LONRF3: variants seen among roughly 807,000 people sequenced by gnomAD.
LONRF3 encodes LON peptidase N-terminal domain and RING finger protein 3.
A neutral mutation model predicts 51.7 loss-of-function variants in LONRF3; 19 were observed. The ratio of observed to expected loss-of-function variants is 0.37; its 90% CI spans 0.26 to 0.54. The LOEUF (loss-of-function observed/expected upper bound fraction) is 0.54. Among genes scored for constraint, LONRF3 ranks in the 20% least tolerant of loss-of-function variants. The pLI is 0.86. For missense variants in LONRF3, 521 were observed against 623.9 expected, an observed-to-expected ratio of 0.84 and a Z score of 1.76; for synonymous variants, 265 against 257.8, an observed-to-expected ratio of 1.03 and a Z score of -0.27.
At chrX:118,981,980 T>C (rs1269561335) in intron 2 of LONRF3, among the ~76,000 whole-genome samples, 1 of 111,719 alleles carries the variant, frequency 9.0e-6, no homozygotes, top group African/African-American at 3.2e-5. Flanking sequence ...TCAAGCCAAG[T>C]TGCTAGTGTC....
intron 5 of LONRF3, among the ~76,000 whole-genome samples, chrX:118,997,968 A>G (rs181798570): frequency 1.8e-5 from 2 of 112,408 alleles, no homozygotes; most frequent in African/African-American, 6.5e-5. Context: ...AAACTCAAAA[A>G]ACAGTAGATG....
intron 5 of LONRF3, among the ~76,000 whole-genome samples, chrX:119,005,158 A>G (rs1182409866): frequency 1.8e-5 from 2 of 110,612 alleles, no homozygotes; most frequent in Non-Finnish European, 3.8e-5. Context: ...TCCACTGAAC[A>G]CTCTTGTGAG....
chrX:118,986,922 C>T (rs1422908068), intron 3 of LONRF3: 4 of 1,151,046 alleles, frequency 3.5e-6, no homozygotes, highest in Non-Finnish European at 4.6e-6. Context: ...TTTTATGTCA[C>T]AGCTTCTCCT....
intron 9 of LONRF3, 32 bp from the exon 10 acceptor site, chrX:119,014,175 A>G (rs1158491121): frequency 8.4e-7 from 1 of 1,189,122 alleles, no homozygotes; most frequent in East Asian, 3.0e-5. Context: ...GAGAGGGTAC[A>G]GAATGTTTCA....
At position 119,017,921 on chromosome X, in the gene LONRF3, G is replaced by A; in HGVS notation, c.*231G>A. 3.6e-6 allele frequency: 1 copy of A among 278,054 alleles called. No individual in the cohort carries two copies. The highest frequency in any genetic ancestry group is 5.5e-5 in the East Asian group (1 of 18,271). 22.9% of individuals were successfully genotyped at this position (278,054 alleles called of 1,213,427 possible). A position where few individuals can be genotyped will look rare whatever the true frequency, so the allele number is the denominator to read the frequency against. ...GACATGCTGCATAACTACATAAACAGCAGAGGTGTTTAAGAGCCCAGAAAA... is the reference window on the plus strand; with the variant it reads ...GACATGCTGCATAACTACATAAACAACAGAGGTGTTTAAGAGCCCAGAAAA... On this transcript the variant is annotated 3_prime_UTR_variant, in exon 11 of 11. Coordinates refer to ENST00000371628, the MANE Select transcript of LONRF3 (RefSeq NM_001031855.3).
chrX:119,015,179 C>T (rs1269654510), intron 10 of LONRF3, among the ~76,000 whole-genome samples: 7 of 111,734 alleles, frequency 6.3e-5, no homozygotes, highest in Non-Finnish European at 5.6e-5. Context: ...ACCATCTCTT[C>T]CTATGCTCCA....
intron 3 of LONRF3, among the ~76,000 whole-genome samples, chrX:118,985,387 G>A (rs1439839284): frequency 9.0e-6 from 1 of 111,538 alleles, no homozygotes; most frequent in Non-Finnish European, 1.9e-5. Context: ...TCTGAAAGCT[G>A]GCATTTATGG....
chrX:118,999,000 G>A (rs1366134972), intron 5 of LONRF3, among the ~76,000 whole-genome samples: 1 of 112,542 alleles, frequency 8.9e-6, no homozygotes, highest in Non-Finnish European at 1.9e-5. Flanking sequence ...GGGATCCAGC[G>A]AGCAGAAACT....
chrX:118,975,155 C>T lies in LONRF3; in HGVS notation c.375C>T (p.Pro125=). The change falls in exon 1 of 11, where the codon CCC becomes CCT. Residue 125 remains proline, a synonymous_variant. Coordinates refer to ENST00000371628, the MANE Select transcript of LONRF3 (RefSeq NM_001031855.3). ...VPQGEALAPA[P]PDEGSTASGT... Reference sequence around the variant, plus strand: ...AAGGCGAGGCGCTGGCGCCGGCGCCCCCGGACGAGGGTAGCACTGCAAGCG... The same window carrying T: ...AAGGCGAGGCGCTGGCGCCGGCGCCTCCGGACGAGGGTAGCACTGCAAGCG... 8.5e-7 allele frequency: 1 copy of T among 1,170,879 alleles called. No homozygotes were observed. The highest frequency in any genetic ancestry group is 1.1e-6 in the Non-Finnish European group (1 of 875,522).
In LONRF3 at chrX:119,014,231, C is replaced by T; in HGVS notation, c.1999C>T (p.Leu667Phe). The T allele has an allele frequency of 8.3e-7, 1 of 1,209,233 alleles. No individual in the cohort carries two copies. The highest frequency in any genetic ancestry group is 1.1e-6 in the Non-Finnish European group (1 of 893,900). Residue 667 changes from leucine to phenylalanine, a missense_variant, in exon 10 of 11, where the codon CTC (leucine) becomes TTC (phenylalanine). Leu to Phe is a conservative substitution (Grantham distance 22). Coordinates refer to ENST00000371628, the MANE Select transcript of LONRF3 (RefSeq NM_001031855.3). ...QKVQGEDCAE[L>F]MGLHNCVYQQ... ...GGTTCAGGGAGAGGATTGTGCTGAG[C>T]TCATGGGATTACATAACTGTGTCTA...
chrX:118,989,340 G>A lies in LONRF3; in HGVS notation c.1060-68G>A. On this transcript the variant is annotated intron_variant, in intron 3 of 10. Transcript: ENST00000371628. ...CTCTATAGTTTCCCTTTGTTCCTCT[G>A]GGTAGGAATATGAGAGGACAATATT... 9 of 1,133,659 alleles carry A rather than the reference G, an allele frequency of 7.9e-6. No homozygotes were observed. The South Asian group carries it at 1.6e-4, about 20-fold the overall frequency. 93.4% of individuals were successfully genotyped at this position (1,133,659 alleles called of 1,213,427 possible). A position where few individuals can be genotyped will look rare whatever the true frequency, so the allele number is the denominator to read the frequency against.
At chrX:119,015,306 G>A (rs2124400) in intron 10 of LONRF3, among the ~76,000 whole-genome samples, 46,180 of 110,801 alleles carry the variant, frequency 0.42, 7,475 homozygotes, top group African/African-American at 0.59. Context: ...CTCACTAGCA[G>A]TATGACCTTG....
At chrX:119,016,503 G>A (rs753336659) in intron 10 of LONRF3, among the ~76,000 whole-genome samples, 10 of 108,716 alleles carry the variant, frequency 9.2e-5, no homozygotes, top group Admixed American at 4.9e-4. Flanking sequence ...GCCCGCCACC[G>A]CGCCCGGCTA....
intron 5 of LONRF3, among the ~76,000 whole-genome samples, chrX:119,002,227 T>G (rs1924367197): frequency 8.9e-6 from 1 of 112,228 alleles, no homozygotes; most frequent in South Asian, 3.7e-4. Context: ...AAGCTACCCA[T>G]ATGCCTCTTC....
chrX:118,982,904 T>G lies in LONRF3; in HGVS notation c.1020T>G (p.Leu340=). 8.3e-7 allele frequency: 1 copy of G among 1,210,673 alleles called. No homozygotes were observed. Among genetic ancestry groups the G allele is most frequent in the Non-Finnish European group, 1.1e-6 (1 of 894,948 alleles). The change falls in exon 3 of 11, where the codon CTT becomes CTG. Residue 340 remains leucine, a synonymous_variant. Transcript: ENST00000371628. ...ALREFLYCVS[L]DGKNKRARCE... is the part of the protein sequence containing the mutation. ...GGGAGTTTCTCTACTGTGTATCCCT[T>G]GATGGAAAGAACAAGAGAGCAAGAT...
rs764430995 is a variant in LONRF3 at position 119,006,224 on chromosome X, G to A, written c.1519G>A (p.Gly507Ser). 1.2e-5 allele frequency: 14 copies of A among 1,138,545 alleles called. No individual in the cohort carries two copies. The highest frequency in any genetic ancestry group is 9.1e-5 in the Admixed American group (4 of 43,949). The allele number at this position is 1,138,545 out of a possible 1,213,427, so 93.8% of individuals were successfully genotyped here. ...HNAKCPLCKDGLSQCLASRKY... is the reference protein window; with the variant it reads ...HNAKCPLCKDSLSQCLASRKY... ...CGCAAAGTGTCCATTGTGCAAAGAC[G>A]GTCTTTCACAGGTAAATCAATATTT... Residue 507 changes from glycine (G) to serine (S), a missense_variant, in exon 6 of 11, where the codon GGT becomes AGT. Gly to Ser is a moderately conservative substitution (Grantham distance 56, BLOSUM62 0). Coordinates refer to ENST00000371628, the MANE Select transcript of LONRF3 (RefSeq NM_001031855.3).
intron 5 of LONRF3, among the ~76,000 whole-genome samples, chrX:118,993,725 A>T (rs1009075118): frequency 1.8e-5 from 2 of 111,960 alleles, no homozygotes; most frequent in African/African-American, 6.5e-5. Flanking sequence ...GCACATTGTC[A>T]TCAGATTATC....
At chrX:119,010,999 A>G (rs1395543796) in intron 7 of LONRF3, among the ~76,000 whole-genome samples, 5 of 109,710 alleles carry the variant, frequency 4.6e-5, no homozygotes. Context: ...CTGTAATCCC[A>G]GCTACTCAGG....
chrX:118,998,663 CA>C (rs1336877053), intron 5 of LONRF3, among the ~76,000 whole-genome samples: 1 of 112,077 alleles, frequency 8.9e-6, no homozygotes, highest in Non-Finnish European at 1.9e-5. Flanking sequence ...GAAAATATAA[CA>C]AAAGTCTTTT....
Sources: allele counts gnomAD v4.1 joint callset (sites outside exome capture counted in the v4.1 genomes callset), GRCh38; gene constraint gnomAD v4.1.1; transcripts MANE v1.5; gene names NCBI Gene and HGNC (gene_info 2026-07-23, HGNC 2026-07-21).